ANK1: variants seen among roughly 807,000 people sequenced by gnomAD.
The protein encoded by ANK1 is ankyrin 1, also known as ankyrin-1.
In ANK1, 51 loss-of-function variants were observed where a neutral mutation model predicts 210.4. The observed-to-expected ratio is 0.24, with a 90% CI of 0.19 to 0.31. The LOEUF (loss-of-function observed/expected upper bound fraction) is 0.31, where lower values mean the gene tolerates loss of function less well. Among genes scored for constraint, ANK1 ranks in the 10% least tolerant of loss-of-function variants. The pLI, the probability that ANK1 is intolerant of heterozygous loss-of-function variation, is 1.00. For synonymous variants in ANK1, 967 were observed against 1,025.9 expected (o/e 0.94, Z 1.10); for missense variants, 2,051 against 2,504.4 (o/e 0.82, Z 3.86).
At chr8:41,896,718 T>C (rs2150841846) in exon 1 of ANK1, 1 of 249,380 alleles carries the variant, frequency 4.0e-6, no homozygotes, top group East Asian at 1.1e-4. Flanking sequence ...CGGAGCTCGC[T>C]TGCCGGCGCC....
chr8:41,690,920 C>T (rs1819106674), intron 31 of ANK1, among the ~76,000 whole-genome samples: 1 of 152,144 alleles, frequency 6.6e-6, no homozygotes, highest in African/African-American at 2.4e-5. Flanking sequence ...ACAACAACAA[C>T]AACAACAAAC....
At chr8:41,688,424 G>A (rs1818292413) in intron 34 of ANK1, 87 bp downstream of exon 34, 1 of 1,528,656 alleles carries the variant, frequency 6.5e-7, no homozygotes, top group Non-Finnish European at 9.1e-7. Context: ...CACCTCAGCA[G>A]AACCCTCACA....
intron 1 of ANK1, among the ~76,000 whole-genome samples, chr8:41,839,774 G>A (rs1236594993): frequency 6.6e-6 from 1 of 152,172 alleles, no homozygotes; most frequent in Admixed American, 6.5e-5. Flanking sequence ...GGAACCTAAA[G>A]AGGCATGACA....
chr8:41,785,740 C>A (rs1048464712), intron 1 of ANK1, among the ~76,000 whole-genome samples: 1 of 152,206 alleles, frequency 6.6e-6, no homozygotes, highest in South Asian at 2.1e-4. Flanking sequence ...ATTGATCTTG[C>A]GGTCTCCAGG....
chr8:41,874,344 T>C (rs984303466), intron 1 of ANK1, among the ~76,000 whole-genome samples: 2 of 152,236 alleles, frequency 1.3e-5, no homozygotes, highest in Non-Finnish European at 2.9e-5. Flanking sequence ...TTTTTTCTCA[T>C]ATCCATCATA....
chr8:41,690,434 T>C, intron 32 of ANK1, 40 bp downstream of exon 32: 1 of 1,614,178 alleles, frequency 6.2e-7, no homozygotes. Context: ...TCCCCAACTT[T>C]CTAGACCCAG....
rs375060699 is a variant in ANK1, at chr8:41,724,498, C to A, written c.669G>T (p.Gln223His). 1 of 1,601,380 alleles carries A rather than the reference C, an allele frequency of 6.2e-7. No homozygotes were observed. Residue 223 changes from glutamine (Q) to histidine (H), a missense_variant, in exon 7 of 43, where the codon CAG becomes CAT. Coordinates refer to ENST00000289734, the MANE Select transcript of ANK1 (RefSeq NM_000037.4). ...AAHYENLNVA[Q>H]LLLNRGASVN... ...CGCTGGCTCCTCTGTTGAGGAGCAA[C>A]TGGGCCACGTTGAGGTTCTCGTAGT... is the stretch of plus-strand genomic sequence containing the variant.
At chr8:41,881,578 CT>C (rs1463084637) in intron 1 of ANK1, among the ~76,000 whole-genome samples, 6 of 152,360 alleles carry the variant, frequency 3.9e-5, no homozygotes, top group Admixed American at 6.5e-5. Context: ...GCTCTAGGCT[CT>C]GTGTTACATG....
intron 42 of ANK1, among the ~76,000 whole-genome samples, chr8:41,658,878 G>A (rs1254915457): frequency 6.6e-6 from 1 of 151,678 alleles, no homozygotes; most frequent in Non-Finnish European, 1.5e-5. Flanking sequence ...GGGCGACAGA[G>A]CGAGACTCCC....
chr8:41,753,782 C>T (rs1563670996), intron 2 of ANK1, among the ~76,000 whole-genome samples: 1 of 149,048 alleles, frequency 6.7e-6, no homozygotes, highest in Non-Finnish European at 1.5e-5. Context: ...TCGCCCCTAC[C>T]TGTAAGCTCC....
At chr8:41,668,844 C>G (rs1170562673) in intron 38 of ANK1, among the ~76,000 whole-genome samples, 1 of 152,174 alleles carries the variant, frequency 6.6e-6, no homozygotes, top group Non-Finnish European at 1.5e-5. Flanking sequence ...TTGGGGCTCC[C>G]AGAGCACTTG....
chr8:41,842,380 C>G (rs1809104415), intron 1 of ANK1, among the ~76,000 whole-genome samples: 1 of 151,980 alleles, frequency 6.6e-6, no homozygotes, highest in African/African-American at 2.4e-5. Context: ...ATAATCCCAG[C>G]TACTTGGGAG....
At chr8:41,872,849 G>A (rs185165166) in intron 1 of ANK1, among the ~76,000 whole-genome samples, 128 of 152,346 alleles carry the variant, frequency 8.4e-4, no homozygotes, top group African/African-American at 3.0e-3. Context: ...GAGCACAGCC[G>A]CCCTCGCGAG....
Position 41,896,269 on chromosome 8 carries a change from C to T in ANK1, c.126+86G>A, listed in dbSNP as rs578216993. 13 of 1,452,010 alleles carry T rather than the reference C, an allele frequency of 9.0e-6. No individual in the cohort carries two copies. In the African/African-American group the frequency reaches 1.5e-4, roughly 17 times the overall value. The allele number at this position is 1,452,010 out of a possible 1,614,324, so 89.9% of individuals were successfully genotyped here. A position where few individuals can be genotyped will look rare whatever the true frequency, so the allele number is the denominator to read the frequency against. On this transcript the variant is annotated intron_variant, in intron 1 of 42. Transcript: ENST00000265709. ...CCGCCGCACCGGGCGCCGCGCCCCA[C>T]CGCGTCCCGGGCCGCCCGACCCCTG...
At position 41,727,240 on chromosome 8, in the gene ANK1, A is replaced by G. The variant is rs1260766031; in HGVS notation, c.426+10T>C. 1 of 1,610,804 alleles carries G rather than the reference A, an allele frequency of 6.2e-7. No individual in the cohort carries two copies. Among genetic ancestry groups the G allele is most frequent in the Non-Finnish European group, 8.5e-7 (1 of 1,176,960 alleles). ...TTCTGGTGGTGACGACATTTTTCCAAGGTACTTACTTCTGTGGCTACATTC... is the reference window on the plus strand; with the variant it reads ...TTCTGGTGGTGACGACATTTTTCCAGGGTACTTACTTCTGTGGCTACATTC... On this transcript the variant is annotated intron_variant, in intron 5 of 42. Coordinates refer to ENST00000289734, the MANE Select transcript of ANK1 (RefSeq NM_000037.4).
intron 1 of ANK1, among the ~76,000 whole-genome samples, chr8:41,895,033 T>A (rs1312465202): frequency 6.6e-6 from 1 of 152,092 alleles, no homozygotes; most frequent in Non-Finnish European, 1.5e-5. Context: ...GAGTGTTGGT[T>A]ACTTCCTTTG....
intron 1 of ANK1, among the ~76,000 whole-genome samples, chr8:41,887,164 T>A (rs1818589873): frequency 6.6e-6 from 1 of 151,774 alleles, no homozygotes; most frequent in African/African-American, 2.4e-5. Flanking sequence ...AGGTGGGGCG[T>A]CCTCTGCTTT....
intron 2 of ANK1, among the ~76,000 whole-genome samples, chr8:41,749,442 C>T (rs1224996317): frequency 6.6e-6 from 1 of 151,760 alleles, no homozygotes; most frequent in Non-Finnish European, 1.5e-5. Context: ...GGACTGTAGG[C>T]ACCCACCACC....
At chr8:41,880,889 T>G (rs889948827) in intron 1 of ANK1, among the ~76,000 whole-genome samples, 4 of 152,230 alleles carry the variant, frequency 2.6e-5, no homozygotes, top group Admixed American at 2.0e-4. Flanking sequence ...CTCTGCACTT[T>G]GCTGCCTTAC....
Sources: allele counts gnomAD v4.1 joint callset (sites outside exome capture counted in the v4.1 genomes callset), GRCh38; gene constraint gnomAD v4.1.1; transcripts MANE v1.5; gene names NCBI Gene and HGNC (gene_info 2026-07-23, HGNC 2026-07-21).